The following SHLD3 variants were observed in gnomAD, a reference collection of about 807,000 sequenced individuals.
The protein encoded by SHLD3 is shieldin complex subunit 3.
In SHLD3, 15 loss-of-function variants were observed where a neutral mutation model predicts 21.4. The ratio of observed to expected loss-of-function variants is 0.70; its 90% confidence interval spans 0.47 to 1.08. The LOEUF (loss-of-function observed/expected upper bound fraction) is 1.08. Ranked by LOEUF, SHLD3 falls within the 50% of genes least tolerant of loss-of-function variation. The probability of loss-of-function intolerance (pLI) is 0.00; values close to 1 mark genes in which losing one functional copy is unlikely to be tolerated. For missense variants in SHLD3, 273 were observed against 286.1 expected (o/e 0.95, Z 0.33); for synonymous variants, 103 against 97.2 (o/e 1.06, Z -0.35).
chr5:65,628,633 G>A lies in SHLD3; in HGVS notation c.-120-835G>A, dbSNP rs190651728. On this transcript the variant is annotated intron_variant, in intron 1 of 1. Coordinates refer to ENST00000510585, the MANE Select transcript of SHLD3 (RefSeq NM_001365341.2). ...ATTACAGGCACACGCCACCACAGCC[G>A]GCTATTTTTTGTATCTTTAGTAGAG... is the stretch of plus-strand genomic sequence containing the variant. Among the ~76,000 whole-genome samples the A allele has an allele frequency of 8.6e-5, 13 of 150,572 alleles. No individual in the cohort carries two copies. The East Asian group carries it at 2.0e-3, about 23-fold the overall frequency.
chr5:65,625,218 T>G, intron 1 of SHLD3, 112 bp downstream of exon 1: 1 of 920,028 alleles, frequency 1.1e-6, no homozygotes, highest in South Asian at 1.4e-5. Context: ...CTCGCCCTCC[T>G]GCTCTGTCCT....
chr5:65,627,650 T>G (rs768108143), intron 1 of SHLD3, among the ~76,000 whole-genome samples: 1 of 151,896 alleles, frequency 6.6e-6, no homozygotes, highest in Non-Finnish European at 1.5e-5. Context: ...AGTCATCCCT[T>G]GAGTATAACA....
Position 65,629,544 on chromosome 5 carries a change from C to G in SHLD3, c.-44C>G. The stretch of plus-strand genomic sequence containing the variant: ...AACATTCTAGCTCTGAGGAGTTCAA[C>G]TAAGAAATTTTCTCATCACTAAGAG... On this transcript the variant is annotated 5_prime_UTR_variant, in exon 2 of 2. Transcript: ENST00000510585. 2 of 1,472,230 alleles carry G rather than the reference C, an allele frequency of 1.4e-6. No homozygotes were observed. Among genetic ancestry groups the G allele is most frequent in the Non-Finnish European group, 1.8e-6 (2 of 1,117,400 alleles). The allele number at this position is 1,472,230 out of a possible 1,614,324, so 91.2% of individuals were successfully genotyped here.
chr5:65,626,267 G>A (rs1755224272), intron 1 of SHLD3: 1 of 152,202 alleles, frequency 6.6e-6, no homozygotes, highest in Non-Finnish European at 1.5e-5. Context: ...CACATAGCTA[G>A]TGATTGAGGC....
chr5:65,629,915 G>GA lies in SHLD3; in HGVS notation c.330dup (p.Gln111ThrfsTer3), dbSNP rs915896033. On this transcript the variant is annotated frameshift_variant, in exon 2 of 2. Coordinates refer to ENST00000510585, the MANE Select transcript of SHLD3 (RefSeq NM_001365341.2). LOFTEE classifies it high-confidence loss of function. ...TTTAACCTGGTCACACACACTGAAG[G>GA]AACAGACTAATTCTGGAAATCTGGG... 3 of 1,535,944 alleles carry GA rather than the reference G, an allele frequency of 2.0e-6. No homozygotes were observed. The African/African-American group carries it at 4.1e-5, about 21-fold the overall frequency.
At position 65,630,050 on chromosome 5, in the gene SHLD3, A is replaced by G; in HGVS notation, c.463A>G (p.Ser155Gly). ...VSPLSKKLQD[S>G]LKALNLHSLY... ...TCCTTTGTCTAAAAAATTGCAAGATAGTTTAAAGGCACTAAATTTACACTC... is the reference window on the plus strand; with the variant it reads ...TCCTTTGTCTAAAAAATTGCAAGATGGTTTAAAGGCACTAAATTTACACTC... Residue 155 changes from serine to glycine, a missense_variant, in exon 2 of 2, where the codon AGT (serine) becomes GGT (glycine). Physicochemically the swap from Ser to Gly is moderately conservative, Grantham distance 56 (BLOSUM62 0). Transcript: ENST00000510585. 1.3e-6 allele frequency: 2 copies of G among 1,536,110 alleles called. No homozygotes were observed. Among genetic ancestry groups the G allele is most frequent in the African/African-American group, 2.7e-5 (2 of 73,184 alleles).
chr5:65,630,499 G>A lies in SHLD3; in HGVS notation c.*159G>A. ...AATTGCTGAGTTCTGCTTATTGGCA[G>A]CCTTCTTTTAAATGTGATAAATTAT... On this transcript the variant is annotated 3_prime_UTR_variant, in exon 2 of 2. Transcript: ENST00000510585. 2.2e-6 allele frequency: 3 copies of A among 1,341,218 alleles called. No homozygotes were observed. The highest frequency in any genetic ancestry group is 2.9e-6 in the Non-Finnish European group (3 of 1,051,252). 83.1% of individuals were successfully genotyped at this position (1,341,218 alleles called of 1,614,324 possible).
Position 65,629,967 on chromosome 5 carries a change from A to C in SHLD3, c.380A>C (p.His127Pro), listed in dbSNP as rs908665200. Residue 127 changes from histidine (H) to proline (P), a missense_variant, in exon 2 of 2, where the codon CAC (histidine) becomes CCC (proline). Physicochemically the swap from His to Pro is moderately conservative, Grantham distance 77. Transcript: ENST00000510585. ...AAACAATCAGAAAAGGGAAAACAGC[A>C]CAAGAGGAGATCTTGGAGTATTTCC... ...LGKQSEKGKQ[H>P]KRRSWSISLP... 6.5e-7 allele frequency: 1 copy of C among 1,535,956 alleles called. No individual in the cohort carries two copies. Among genetic ancestry groups the C allele is most frequent in the African/African-American group, 1.4e-5 (1 of 73,048 alleles).
chr5:65,627,149 A>AAAAC (rs1755278701), intron 1 of SHLD3, among the ~76,000 whole-genome samples: 1 of 146,922 alleles, frequency 6.8e-6, no homozygotes, highest in African/African-American at 2.5e-5. Flanking sequence ...AAAAAAAAAA[A>AAAAC]AAAAAAAAGA....
In SHLD3 at chr5:65,629,892, T is replaced by C. The variant is rs1334809813; in HGVS notation, c.305T>C (p.Leu102Ser). The part of the protein sequence containing the change: ...EFQPSLKKQH[L>S]TWSHTLKEQT... ...CAACCTAGCTTGAAAAAGCAGCATT[T>C]AACCTGGTCACACACACTGAAGGAA... is the stretch of plus-strand genomic sequence containing the variant. The change falls in exon 2 of 2, where the codon TTA (leucine) becomes TCA (serine). Residue 102 changes from leucine (L) to serine (S), a missense_variant. By Grantham distance (145) the Leu-to-Ser change is moderately radical. Coordinates refer to ENST00000510585, the MANE Select transcript of SHLD3 (RefSeq NM_001365341.2). 6.5e-7 allele frequency: 1 copy of C among 1,536,078 alleles called. No individual in the cohort carries two copies. The highest frequency in any genetic ancestry group is 2.0e-5 in the Admixed American group (1 of 50,998).
chr5:65,629,977 A>G lies in SHLD3; in HGVS notation c.390A>G (p.Arg130=). 2 of 1,535,978 alleles carry G rather than the reference A, an allele frequency of 1.3e-6. No homozygotes were observed. Among genetic ancestry groups the G allele is most frequent in the Non-Finnish European group, 1.7e-6 (2 of 1,146,840 alleles). Residue 130 remains arginine, a synonymous_variant, in exon 2 of 2, where the codon AGA becomes AGG. Coordinates refer to ENST00000510585, the MANE Select transcript of SHLD3 (RefSeq NM_001365341.2). ...AAAAGGGAAAACAGCACAAGAGGAGATCTTGGAGTATTTCCCTTCCCAGCA... is the reference window on the plus strand; with the variant it reads ...AAAAGGGAAAACAGCACAAGAGGAGGTCTTGGAGTATTTCCCTTCCCAGCA... ...QSEKGKQHKR[R]SWSISLPSNN...
chr5:65,629,385 T>C, intron 1 of SHLD3, 83 bp from the exon 2 acceptor site: 1 of 1,137,616 alleles, frequency 8.8e-7, no homozygotes, highest in Non-Finnish European at 1.1e-6. Flanking sequence ...TGGTTTTTGT[T>C]TTTTGTTTTT....
At chr5:65,629,435 C>T in intron 1 of SHLD3, 33 bp from the exon 2 acceptor site, 1 of 1,354,904 alleles carries the variant, frequency 7.4e-7, no homozygotes, top group Non-Finnish European at 9.5e-7. Context: ...GTATCCCTAC[C>T]ATATCTTATT....
chr5:65,627,648 C>G (rs2150657645), intron 1 of SHLD3, among the ~76,000 whole-genome samples: 1 of 152,014 alleles, frequency 6.6e-6, no homozygotes, highest in Admixed American at 6.6e-5. Context: ...AAAGTCATCC[C>G]TTGAGTATAA....
intron 1 of SHLD3, among the ~76,000 whole-genome samples, chr5:65,628,621 G>A (rs1195051603): frequency 2.0e-5 from 3 of 151,712 alleles, no homozygotes; most frequent in Non-Finnish European, 4.4e-5. Context: ...ACAGGCACAC[G>A]CCACCACAGC....
chr5:65,629,956 G>A lies in SHLD3; in HGVS notation c.369G>A (p.Lys123=), dbSNP rs1461456290. ...NSGNLGKQSE[K]GKQHKRRSWS... ...GAAATCTGGGTAAACAATCAGAAAA[G>A]GGAAAACAGCACAAGAGGAGATCTT... is the stretch of plus-strand genomic sequence containing the variant. The change falls in exon 2 of 2, where the codon AAG becomes AAA. Residue 123 remains lysine, a synonymous_variant. Transcript: ENST00000510585. The A allele has an allele frequency of 1.9e-5, 29 of 1,536,064 alleles. No individual in the cohort carries two copies. Among genetic ancestry groups the A allele is most frequent in the Non-Finnish European group, 2.4e-5 (28 of 1,146,874 alleles).
At position 65,629,015 on chromosome 5, in the gene SHLD3, T is replaced by A. The variant is rs1755396356; in HGVS notation, c.-120-453T>A. Among the ~76,000 whole-genome samples the A allele has an allele frequency of 5.3e-5, 8 of 152,214 alleles. No homozygotes were observed. In the South Asian group the frequency reaches 1.7e-3, roughly 32 times the overall value. On this transcript the variant is annotated intron_variant, in intron 1 of 1. Transcript: ENST00000510585. ...TTTTGTATTTTGAGTAGAGATGGGT[T>A]TTCACCATGTTGGATTAGAATTTAC...
rs984200266 is a variant in SHLD3 at position 65,629,849 on chromosome 5, G to A, written c.262G>A (p.Val88Ile). Residue 88 changes from valine (V) to isoleucine (I), a missense_variant, in exon 2 of 2, where the codon GTA becomes ATA. By Grantham distance (29) the Val-to-Ile change is conservative. Coordinates refer to ENST00000510585, the MANE Select transcript of SHLD3 (RefSeq NM_001365341.2). ...TAAGTCACACAGTTATGATTGCACA[G>A]TAGATCTATTGGAGTTTCAACCTAG... ...DAKSHSYDCT[V>I]DLLEFQPSLK... 15 of 1,535,904 alleles carry A rather than the reference G, an allele frequency of 9.8e-6. No homozygotes were observed. The African/African-American group carries it at 1.9e-4, about 20-fold the overall frequency.
In SHLD3 at chr5:65,630,158, AT is replaced by A; in HGVS notation, c.573del (p.Ile192LeufsTer17). 6.5e-7 allele frequency: 1 copy of A among 1,536,052 alleles called. No individual in the cohort carries two copies. Among genetic ancestry groups the A allele is most frequent in the Non-Finnish European group, 8.7e-7 (1 of 1,146,858 alleles). ...LEDIWTKLNQ[I>X]IRHNELPSCN... is the part of the protein sequence containing the mutation. ...AGACATTTGGACAAAACTCAATCAA[AT>A]TATTAGGCACAATGAACTTCCATCT... On this transcript the variant is annotated frameshift_variant, in exon 2 of 2. Coordinates refer to ENST00000510585, the MANE Select transcript of SHLD3 (RefSeq NM_001365341.2). LOFTEE classifies it high-confidence loss of function.
Sources: allele counts gnomAD v4.1 joint callset (sites outside exome capture counted in the v4.1 genomes callset), GRCh38; gene constraint gnomAD v4.1.1; transcripts MANE v1.5; gene names NCBI Gene and HGNC (gene_info 2026-07-23, HGNC 2026-07-21).